The following ATAD1 variants were observed in gnomAD, a reference collection of about 807,000 sequenced individuals.
ATAD1 encodes the protein ATPase family AAA domain containing 1, also known as outer mitochondrial transmembrane helix translocase.
A neutral mutation model predicts 42.7 loss-of-function variants in ATAD1; 18 were observed. That is an observed-to-expected ratio of 0.42 (90% CI 0.29 to 0.63). The LOEUF (loss-of-function observed/expected upper bound fraction) is 0.63, where lower values mean the gene tolerates loss of function less well. Ranked by LOEUF, ATAD1 falls within the 20% of genes least tolerant of loss-of-function variation. The pLI is 0.19. For synonymous variants in ATAD1, 132 were observed against 143.1 expected (o/e 0.92, Z 0.55); for missense variants, 294 against 440.4 (o/e 0.67, Z 2.98).
At chr10:87,772,419 T>C (rs549040756) in intron 6 of ATAD1, among the ~76,000 whole-genome samples, 3 of 152,238 alleles carry the variant, frequency 2.0e-5, no homozygotes, top group East Asian at 3.9e-4. Context: ...AGCCTCTTTA[T>C]TGACTTTTTA....
chr10:87,808,086 G>GA (rs1283882868), intron 2 of ATAD1, among the ~76,000 whole-genome samples: 1 of 152,062 alleles, frequency 6.6e-6, no homozygotes, highest in East Asian at 1.9e-4. Context: ...TGGGTATACA[G>GA]AAACAGCTGA....
chr10:87,837,024 A>AT (rs372490467), intron 1 of ATAD1, among the ~76,000 whole-genome samples: 1 of 151,964 alleles, frequency 6.6e-6, no homozygotes, highest in African/African-American at 2.4e-5. Flanking sequence ...TTTCAATTTC[A>AT]TTTTTTTATT....
chr10:87,824,110 GA>G (rs919066777), intron 1 of ATAD1, among the ~76,000 whole-genome samples: 6 of 151,932 alleles, frequency 3.9e-5, no homozygotes, highest in Admixed American at 3.3e-4. Flanking sequence ...TTATCATCTT[GA>G]AAAAAGAGGA....
chr10:87,771,350 T>C (rs188039722), intron 6 of ATAD1, among the ~76,000 whole-genome samples: 1 of 152,300 alleles, frequency 6.6e-6, no homozygotes, highest in East Asian at 1.9e-4. Context: ...TAAAAAACTA[T>C]TGTATTTTGC....
intron 2 of ATAD1, among the ~76,000 whole-genome samples, chr10:87,796,415 G>A (rs895720754): frequency 6.6e-6 from 1 of 152,142 alleles, no homozygotes; most frequent in African/African-American, 2.4e-5. Context: ...TCAAAAGAAT[G>A]CAATCATTTG....
At chr10:87,774,191 A>G (rs1020956376) in intron 6 of ATAD1, among the ~76,000 whole-genome samples, 2 of 152,232 alleles carry the variant, frequency 1.3e-5, no homozygotes, top group African/African-American at 4.8e-5. Context: ...TGGCCACAAA[A>G]AGAAAATATT....
In ATAD1 at chr10:87,784,361, GTTCT is replaced by G. The variant is rs1855717445; in HGVS notation, c.583+105_583+108del. 10 of 1,019,102 alleles carry G rather than the reference GTTCT, an allele frequency of 9.8e-6. No homozygotes were observed. The South Asian group carries it at 1.2e-4, about 13-fold the overall frequency. The allele number at this position is 1,019,102 out of a possible 1,614,324, so 63.1% of individuals were successfully genotyped here. On this transcript the variant is annotated intron_variant, in intron 5 of 9. Transcript: ENST00000680024. ...CATAGCATATTATGATGTTGGTTAT[GTTCT>G]TTGTTTTATTAACATGGCCTAATAA...
chr10:87,775,776 G>C (rs1299479738), intron 6 of ATAD1, among the ~76,000 whole-genome samples: 1 of 152,090 alleles, frequency 6.6e-6, no homozygotes, highest in African/African-American at 2.4e-5. Flanking sequence ...AGGAGGAAGA[G>C]GAAAAGCCTA....
chr10:87,803,145 T>C (rs1350714754), intron 2 of ATAD1, among the ~76,000 whole-genome samples: 1 of 152,186 alleles, frequency 6.6e-6, no homozygotes, highest in African/African-American at 2.4e-5. Flanking sequence ...TTTTTTGTTG[T>C]TTTTCTCCCT....
At chr10:87,781,817 AT>A (rs953052054) in intron 5 of ATAD1, among the ~76,000 whole-genome samples, 18 of 150,686 alleles carry the variant, frequency 1.2e-4, no homozygotes, top group African/African-American at 3.4e-4. Context: ...TAATTTTTGT[AT>A]TTTTTTTTGT....
intron 1 of ATAD1, among the ~76,000 whole-genome samples, chr10:87,816,740 C>A (rs1044092249): frequency 6.6e-6 from 1 of 152,168 alleles, no homozygotes; most frequent in African/African-American, 2.4e-5. Flanking sequence ...AGTCTTTATT[C>A]CACAAAGTTG....
chr10:87,824,497 G>T (rs1857689939), intron 1 of ATAD1, among the ~76,000 whole-genome samples: 2 of 152,190 alleles, frequency 1.3e-5, no homozygotes, highest in African/African-American at 4.8e-5. Flanking sequence ...TATGGGAACA[G>T]TAACAGTACA....
rs527738201 is a variant in ATAD1, at chr10:87,765,351, G to A, written c.831+2322C>T. Among the ~76,000 whole-genome samples the A allele has an allele frequency of 1.5e-4, 23 of 152,146 alleles. No homozygotes were observed. The East Asian group carries it at 3.5e-3, about 23-fold the overall frequency. ...AGTTTGGGATAAAGAGGAATACCAC[G>A]TTATTCAATTATATGCAGTTATCGA... On this transcript the variant is annotated intron_variant, in intron 8 of 9. Coordinates refer to ENST00000680024, the MANE Select transcript of ATAD1 (RefSeq NM_001321967.2).
intron 4 of ATAD1, among the ~76,000 whole-genome samples, chr10:87,789,489 C>T (rs752799632): frequency 6.6e-6 from 1 of 152,098 alleles, no homozygotes; most frequent in South Asian, 2.1e-4. Flanking sequence ...AGGAGGCCAA[C>T]GCAGGTGAAG....
chr10:87,762,454 A>G (rs1854523777), intron 8 of ATAD1, among the ~76,000 whole-genome samples: 1 of 151,826 alleles, frequency 6.6e-6, no homozygotes, highest in South Asian at 2.1e-4. Flanking sequence ...TATCTAAACA[A>G]TACTACAACT....
chr10:87,770,732 A>G lies in ATAD1; in HGVS notation c.780+220T>C, dbSNP rs539237483. 4.6e-5 allele frequency among the ~76,000 whole-genome samples: 7 copies of G among 152,260 alleles called. 1 individual carries two copies. In the South Asian group the frequency reaches 1.5e-3, roughly 32 times the overall value. On this transcript the variant is annotated intron_variant, in intron 7 of 9. Transcript: ENST00000680024. ...TAAAATAGCCAGGCAAACTTGAGATAACTATATATATATACTTTGAAGAGA... is the reference window on the plus strand; with the variant it reads ...TAAAATAGCCAGGCAAACTTGAGATGACTATATATATATACTTTGAAGAGA...
intron 2 of ATAD1, among the ~76,000 whole-genome samples, chr10:87,807,887 G>A (rs541988980): frequency 5.3e-5 from 8 of 152,128 alleles, no homozygotes; most frequent in African/African-American, 1.9e-4. Flanking sequence ...TCTTCCACAT[G>A]AATTTCAGGA....
chr10:87,841,244 GCA>G (rs1397487989), exon 1 of ATAD1: 5 of 152,116 alleles, frequency 3.3e-5, no homozygotes, highest in African/African-American at 1.2e-4. Context: ...TTTTCTCTTT[GCA>G]CAGTTAAGCT....
Position 87,771,016 on chromosome 10 carries a change from C to T in ATAD1, c.716G>A (p.Arg239His), listed in dbSNP as rs780964486. Residue 239 changes from arginine to histidine, a missense_variant, in exon 7 of 10, where the codon CGT becomes CAT. Arg to His is a conservative substitution (Grantham distance 29). Transcript: ENST00000680024. ...CQVIVMGATN[R>H]PQDLDSAIMR... The stretch of plus-strand genomic sequence containing the variant: ...TATAGCCGAGTCAAGGTCCTGAGGA[C>T]GATTGGTAGCTCCCATTACTATGAC... The T allele has an allele frequency of 1.1e-5, 17 of 1,613,042 alleles. No homozygotes were observed. Among genetic ancestry groups the T allele is most frequent in the African/African-American group, 2.7e-5 (2 of 74,866 alleles).
Sources: gnomAD v4.1 joint callset for allele counts (sites outside exome capture counted in the v4.1 genomes callset) on GRCh38, gnomAD v4.1.1 for gene constraint, MANE v1.5 for transcripts, NCBI Gene and HGNC (gene_info 2026-07-23, HGNC 2026-07-21) for gene names.